The following COL18A1 variants were observed in gnomAD, a reference collection of about 807,000 sequenced individuals.
COL18A1 encodes the protein collagen type XVIII alpha 1 chain, also known as collagen alpha-1(XVIII) chain.
COL18A1 carries 133 observed loss-of-function variants against 168.0 expected under a neutral mutation model. The ratio of observed to expected loss-of-function variants is 0.79; its 90% CI spans 0.69 to 0.91. The LOEUF is 0.91. COL18A1 is among the 40% of genes least tolerant of loss of function. The probability of loss-of-function intolerance (pLI) is 0.00; values close to 1 mark genes in which losing one functional copy is unlikely to be tolerated. For missense variants in COL18A1, 2,126 were observed against 1,925.4 expected (o/e 1.10, Z -1.95); for synonymous variants, 949 against 809.0 (o/e 1.17, Z -2.94).
chr21:45,487,319 C>A, intron 16 of COL18A1, 128 bp from the exon 17 acceptor site: 1 of 1,106,178 alleles, frequency 9.0e-7, no homozygotes, highest in Non-Finnish European at 1.3e-6. Flanking sequence ...CATCTGAGAA[C>A]GGCGGCTCCC....
chr21:45,479,080 T>TGTGA lies in COL18A1; in HGVS notation c.1248+731_1248+734dup, dbSNP rs575290380. Among the ~76,000 whole-genome samples, 37 of 152,040 alleles carry TGTGA rather than the reference T, an allele frequency of 2.4e-4. No individual in the cohort carries two copies. The South Asian group carries it at 7.7e-3, about 32-fold the overall frequency. ...CACTGCAACAGGGTACACGCACGCG[T>TGTGA]GTGAGTGTGGGGTGATGATCCACGG... On this transcript the variant is annotated intron_variant, in intron 9 of 41. Coordinates refer to ENST00000651438, the MANE Select transcript of COL18A1 (RefSeq NM_001379500.1).
At chr21:45,511,752 C>T (rs1448788173) in intron 41 of COL18A1, among the ~76,000 whole-genome samples, 2 of 152,232 alleles carry the variant, frequency 1.3e-5, no homozygotes, top group African/African-American at 4.8e-5. Context: ...CCAGCAGTGC[C>T]TGGCCATCTG....
intron 2 of COL18A1, among the ~76,000 whole-genome samples, chr21:45,430,240 G>C (rs2033920129): frequency 6.6e-6 from 1 of 152,022 alleles, no homozygotes; most frequent in Non-Finnish European, 1.5e-5. Flanking sequence ...TGTGAAGTGG[G>C]GTCATGGTTT....
intron 2 of COL18A1, among the ~76,000 whole-genome samples, chr21:45,434,780 G>A (rs1237485715): frequency 6.7e-6 from 1 of 149,322 alleles, no homozygotes; most frequent in African/African-American, 2.5e-5. Flanking sequence ...CGGGGGTCCC[G>A]GTGGGTTGCA....
rs1195744330 is a variant in COL18A1, at chr21:45,470,425, C to CTTTT, written c.651+1657_651+1660dup. Among the ~76,000 whole-genome samples, 50 of 37,100 alleles carry CTTTT rather than the reference C, an allele frequency of 1.3e-3. 1 individual carries two copies. Among genetic ancestry groups the CTTTT allele is most frequent in the African/African-American group, 3.5e-3 (31 of 8,960 alleles). The allele number at this position is 37,100 out of a possible 152,430, so 24.3% of individuals were successfully genotyped here. A position where few individuals can be genotyped will look rare whatever the true frequency, so the allele number is the denominator to read the frequency against. On this transcript the variant is annotated intron_variant, in intron 3 of 41. Transcript: ENST00000651438. ...CATGTCATTTGCCTTTTTACCTTGTCTTTTTTTTTTTTTTTTTTTTTGACT... is the reference window on the plus strand; with the variant it reads ...CATGTCATTTGCCTTTTTACCTTGTCTTTTTTTTTTTTTTTTTTTTTTTTTGACT...
Position 45,443,084 on chromosome 21 carries a change from T to TGGTGCTGATGTGGGCGGC in COL18A1, c.107-25150_107-25133dup, listed in dbSNP as rs1569292137. On this transcript the variant is annotated intron_variant, in intron 2 of 41. Transcript: ENST00000651438. The surrounding 1 kb of genome is among the most constrained non-coding windows in gnomAD (Gnocchi z 5.2). ...GTGGTGGTGCTGGTGTGGGTGGTGGTGGTGCTGATGTGGGCGGCGGTGCTG... is the reference window on the plus strand; with the variant it reads ...GTGGTGGTGCTGGTGTGGGTGGTGGTGGTGCTGATGTGGGCGGCGGTGCTGATGTGGGCGGCGGTGCTG... 4.8e-5 allele frequency among the ~76,000 whole-genome samples: 6 copies of TGGTGCTGATGTGGGCGGC among 124,406 alleles called. No homozygotes were observed. The highest frequency in any genetic ancestry group is 3.9e-4 in the Admixed American group (5 of 12,728). 81.6% of individuals were successfully genotyped at this position (124,406 alleles called of 152,430 possible). A position where few individuals can be genotyped will look rare whatever the true frequency, so the allele number is the denominator to read the frequency against.
At position 45,498,744 on chromosome 21, in the gene COL18A1, GA is replaced by G; in HGVS notation, c.2683+1085del. On this transcript the variant is annotated intron_variant, in intron 32 of 41. Coordinates refer to ENST00000651438, the MANE Select transcript of COL18A1 (RefSeq NM_001379500.1). The surrounding 1 kb of genome is among the most constrained non-coding windows in gnomAD (Gnocchi z 4.5). ...ATGCACAGATGACCAGAAACCAGGA[GA>G]AGAGGCCAGTGACACACCAGACCAG... is the stretch of plus-strand genomic sequence containing the variant. 6.5e-6 allele frequency: 4 copies of G among 610,718 alleles called. No individual in the cohort carries two copies. The East Asian group carries it at 1.1e-4, about 17-fold the overall frequency. The allele number at this position is 610,718 out of a possible 1,614,324, so 37.8% of individuals were successfully genotyped here.
intron 2 of COL18A1, chr21:45,455,401 G>A: frequency 1.5e-6 from 2 of 1,309,162 alleles, no homozygotes; most frequent in South Asian, 1.3e-5. Context: ...GCAAGAGTGG[G>A]GGGTGGAAGA....
chr21:45,503,512 C>A (rs1173507887), intron 32 of COL18A1, among the ~76,000 whole-genome samples: 2 of 151,572 alleles, frequency 1.3e-5, no homozygotes, highest in East Asian at 1.9e-4. Flanking sequence ...TGGAAATCAT[C>A]ATTCTCAGTA....
chr21:45,482,004 G>T lies in COL18A1; in HGVS notation c.1653G>T (p.Arg551Ser). 2 of 1,613,656 alleles carry T rather than the reference G, an allele frequency of 1.2e-6. No individual in the cohort carries two copies. Among genetic ancestry groups the T allele is most frequent in the Non-Finnish European group, 1.7e-6 (2 of 1,179,670 alleles). Reference protein sequence around the residue: ...GPPGREGPPGRTGQKGSLGEA... With the variant: ...GPPGREGPPGSTGQKGSLGEA... ...CGGGAAGAGAGGGGCCCCCAGGAAGGACTGGGCAGAAAGGCAGCCTGGTAA... is the reference window on the plus strand; with the variant it reads ...CGGGAAGAGAGGGGCCCCCAGGAAGTACTGGGCAGAAAGGCAGCCTGGTAA... The change falls in exon 14 of 42, where the codon AGG becomes AGT. Residue 551 changes from arginine (R) to serine (S), a missense_variant. Transcript: ENST00000651438.
At chr21:45,487,015 C>T (rs980070372) in intron 16 of COL18A1, 23 bp downstream of exon 16, 35 of 1,499,032 alleles carry the variant, frequency 2.3e-5, no homozygotes, top group Non-Finnish European at 2.9e-5. Flanking sequence ...TACACCTGAC[C>T]CCCTGGAGAG....
Position 45,456,007 on chromosome 21 carries a change from C to T in COL18A1, c.107-12235C>T, listed in dbSNP as rs2034790934. ...CCCTTGCCCTCGCTGGGCCTTCCAG[C>T]ACCCCCCAGGAGAATGGGACCACTC... On this transcript the variant is annotated intron_variant, in intron 2 of 41. Transcript: ENST00000651438. 1.1e-5 allele frequency: 17 copies of T among 1,612,858 alleles called. No homozygotes were observed. The highest frequency in any genetic ancestry group is 2.2e-5 in the East Asian group (1 of 44,870).
chr21:45,467,482 G>T (rs1602453687), intron 2 of COL18A1: 9 of 965,908 alleles, frequency 9.3e-6, no homozygotes, highest in Non-Finnish European at 9.8e-6. Flanking sequence ...ATCAGCATGG[G>T]GGGGATGGGG....
chr21:45,509,268 C>T (rs1309874637), intron 38 of COL18A1, 88 bp from the exon 39 acceptor site: 2 of 1,515,398 alleles, frequency 1.3e-6, no homozygotes, highest in East Asian at 2.5e-5. Flanking sequence ...AGCCCAGCCC[C>T]TCTCACCCAG....
rs532482611 is a variant in COL18A1, at chr21:45,498,465, C to T, written c.2683+804C>T. The T allele has an allele frequency of 4.8e-5, 33 of 691,154 alleles. No homozygotes were observed. Among genetic ancestry groups the T allele is most frequent in the South Asian group, 9.0e-5 (6 of 66,810 alleles). 42.8% of individuals were successfully genotyped at this position (691,154 alleles called of 1,614,324 possible). A position where few individuals can be genotyped will look rare whatever the true frequency, so the allele number is the denominator to read the frequency against. Reference sequence around the variant, plus strand: ...CCGCCAGGGTCCCCTCTCGCCGCCACGGTCCCCGCTCGCCGCCAGGGTCCC... The same window carrying T: ...CCGCCAGGGTCCCCTCTCGCCGCCATGGTCCCCGCTCGCCGCCAGGGTCCC... On this transcript the variant is annotated intron_variant, in intron 32 of 41. Coordinates refer to ENST00000651438, the MANE Select transcript of COL18A1 (RefSeq NM_001379500.1). The surrounding 1 kb of genome is among the most constrained non-coding windows in gnomAD (Gnocchi z 4.5).
chr21:45,465,358 C>T (rs757124020), intron 2 of COL18A1, among the ~76,000 whole-genome samples: 2 of 152,148 alleles, frequency 1.3e-5, no homozygotes, highest in Admixed American at 6.5e-5. Context: ...GACAGGGGCC[C>T]GTTTCTTAGG....
intron 6 of COL18A1, 33 bp from the exon 7 acceptor site, chr21:45,477,378 C>T (rs532230866): frequency 1.3e-4 from 209 of 1,585,812 alleles, no homozygotes; most frequent in Non-Finnish European, 1.6e-4. Flanking sequence ...ACCCGGGGGG[C>T]GTGACCGTGG....
intron 22 of COL18A1, 82 bp from the exon 23 acceptor site, chr21:45,492,453 T>C (rs1313863904): frequency 3.3e-6 from 5 of 1,523,876 alleles, no homozygotes; most frequent in Non-Finnish European, 4.6e-6. Context: ...TTTGGTGTTT[T>C]GTTGATCTGT....
intron 2 of COL18A1, among the ~76,000 whole-genome samples, chr21:45,430,794 G>C (rs1215181017): frequency 6.6e-6 from 1 of 152,194 alleles, no homozygotes; most frequent in Non-Finnish European, 1.5e-5. Flanking sequence ...GTCCACCAAA[G>C]CAAGCTCCTT....
Sources: allele counts gnomAD v4.1 joint callset (sites outside exome capture counted in the v4.1 genomes callset), GRCh38; gene constraint gnomAD v4.1.1; non-coding constraint Gnocchi (gnomAD v3.1); transcripts MANE v1.5; gene names NCBI Gene and HGNC (gene_info 2026-07-23, HGNC 2026-07-21).